Variants in GALNS observed in about 807,000 individuals in gnomAD.
GALNS encodes the protein N-acetylgalactosamine-6-sulfatase.
GALNS carries 65 observed loss-of-function variants against 65.9 expected under a neutral mutation model. The observed-to-expected ratio is 0.99, with a 90% CI of 0.81 to 1.21. GALNS has a LOEUF of 1.21. Among genes scored for constraint, GALNS ranks in the 50% most tolerant of loss-of-function variants. The pLI, the probability that GALNS is intolerant of heterozygous loss-of-function variation, is 0.00. For synonymous variants in GALNS, 346 were observed against 288.9 expected (o/e 1.20, Z -2.00); for missense variants, 776 against 700.7 (o/e 1.11, Z -1.21).
chr16:88,849,570 A>G (rs978391275), intron 1 of GALNS, among the ~76,000 whole-genome samples: 2 of 152,012 alleles, frequency 1.3e-5, no homozygotes, highest in Non-Finnish European at 2.9e-5. Flanking sequence ...ACAGGTGTGA[A>G]CCACCGTGTC....
chr16:88,842,038 A>G, intron 2 of GALNS, 67 bp from the exon 3 acceptor site: 1 of 1,411,336 alleles, frequency 7.1e-7, no homozygotes, highest in Non-Finnish European at 9.9e-7. Flanking sequence ...GGCGTCAACA[A>G]GAGCCCCAAC....
intron 1 of GALNS, among the ~76,000 whole-genome samples, chr16:88,847,156 C>T (rs543531862): frequency 5.1e-4 from 78 of 152,144 alleles, no homozygotes; most frequent in African/African-American, 1.6e-3. Flanking sequence ...CTCTGAAATA[C>T]TTTTCTCTCT....
At chr16:88,825,001 G>A in intron 10 of GALNS, 132 bp from the exon 11 acceptor site, 3 of 752,366 alleles carry the variant, frequency 4.0e-6, no homozygotes, top group South Asian at 1.5e-5. Flanking sequence ...TTACAAAGAT[G>A]ATTGAAAAGT....
chr16:88,850,513 G>C (rs1159042110), intron 1 of GALNS, among the ~76,000 whole-genome samples: 4 of 152,186 alleles, frequency 2.6e-5, no homozygotes, highest in Non-Finnish European at 4.4e-5. Context: ...AGGAGTCCCA[G>C]GGCTTGAGGG....
intron 10 of GALNS, 141 bp downstream of exon 10, chr16:88,826,561 C>A (rs1910943316): frequency 9.8e-7 from 1 of 1,022,070 alleles, no homozygotes; most frequent in Non-Finnish European, 1.4e-6. Flanking sequence ...TCAGGCACCC[C>A]TGCCTCCTCC....
intron 4 of GALNS, among the ~76,000 whole-genome samples, chr16:88,838,389 G>A (rs1322869796): frequency 1.3e-5 from 2 of 152,236 alleles, no homozygotes; most frequent in South Asian, 4.1e-4. Context: ...ACAAGAGAAC[G>A]TGACAGTGTG....
intron 1 of GALNS, among the ~76,000 whole-genome samples, chr16:88,853,945 T>A (rs58622608): frequency 0.02 from 2,992 of 152,298 alleles, 101 homozygotes; most frequent in African/African-American, 0.068. Context: ...CGGGTCAGTG[T>A]GACCAGTTGG....
chr16:88,855,521 C>G (rs1471406252), intron 1 of GALNS: 26 of 702,520 alleles, frequency 3.7e-5, no homozygotes, highest in Non-Finnish European at 1.6e-5. Context: ...GGAAAGCAGT[C>G]ACTGCACACA....
In GALNS at chr16:88,815,867, T is replaced by A. The variant is rs1393398528; in HGVS notation, c.1483-1342A>T. ...GGTGTGTTTGAGTCTGGATGGGGGATCTGCATTTCTCAAAGGCCGCTCAGC... is the reference window on the plus strand; with the variant it reads ...GGTGTGTTTGAGTCTGGATGGGGGAACTGCATTTCTCAAAGGCCGCTCAGC... On this transcript the variant is annotated intron_variant, in intron 13 of 13. Coordinates refer to ENST00000268695, the MANE Select transcript of GALNS (RefSeq NM_000512.5). 3 of 985,288 alleles carry A rather than the reference T, an allele frequency of 3.0e-6. No individual in the cohort carries two copies. In the African/African-American group the frequency reaches 5.2e-5, roughly 17 times the overall value. The allele number at this position is 985,288 out of a possible 1,614,324, so 61.0% of individuals were successfully genotyped here.
At chr16:88,855,270 G>A in intron 1 of GALNS, 1 of 700,120 alleles carries the variant, frequency 1.4e-6, no homozygotes, top group Non-Finnish European at 2.6e-6. Flanking sequence ...AAACTTAACA[G>A]GGAGGCTTCA....
Position 88,852,971 on chromosome 16 carries a change from C to G in GALNS, c.120+3787G>C, listed in dbSNP as rs974733433. 4.0e-5 allele frequency among the ~76,000 whole-genome samples: 6 copies of G among 151,664 alleles called. No individual in the cohort carries two copies. The South Asian group carries it at 6.3e-4, about 16-fold the overall frequency. ...CCTTGTCTCAAAAAAAAAGTCCTGG[C>G]TGGGTGTGGTGGCTCATGCCTGTAA... On this transcript the variant is annotated intron_variant, in intron 1 of 13. Coordinates refer to ENST00000268695, the MANE Select transcript of GALNS (RefSeq NM_000512.5).
intron 13 of GALNS, chr16:88,815,307 C>T (rs552455609): frequency 9.8e-5 from 97 of 985,484 alleles, no homozygotes; most frequent in Admixed American, 7.4e-4. Context: ...AAAGGGCAGG[C>T]GGTCCTCCCA....
intron 11 of GALNS, among the ~76,000 whole-genome samples, chr16:88,823,721 C>T (rs1290556048): frequency 2.9e-5 from 4 of 135,654 alleles, no homozygotes; most frequent in Admixed American, 2.2e-4. Flanking sequence ...CCCAGGACGG[C>T]CCTCGCAGGC....
At position 88,826,746 on chromosome 16, in the gene GALNS, G is replaced by A; in HGVS notation, c.1095C>T (p.Gly365=). The change falls in exon 10 of 14, where the codon GGC becomes GGT. Residue 365 remains glycine (G), a synonymous_variant. Transcript: ENST00000268695. Reference sequence around the variant, plus strand: ...GCAGGAGGGTGGGGAGGAGGTTGAGGCCATCAATGGCCCTGTCGCTGGGCG... The same window carrying A: ...GCAGGAGGGTGGGGAGGAGGTTGAGACCATCAATGGCCCTGTCGCTGGGCG... ...LTPPSDRAID[G]LNLLPTLLQG... The A allele has an allele frequency of 6.2e-7, 1 of 1,612,034 alleles. No individual in the cohort carries two copies. The highest frequency in any genetic ancestry group is 8.5e-7 in the Non-Finnish European group (1 of 1,179,582).
At chr16:88,816,021 C>T in intron 13 of GALNS, 1 of 985,404 alleles carries the variant, frequency 1.0e-6, no homozygotes, top group Non-Finnish European at 1.2e-6. Flanking sequence ...AAGGAGGGCC[C>T]CCAGGCTTCA....
chr16:88,832,219 C>T lies in GALNS; in HGVS notation c.899-118G>A, dbSNP rs1026923264. The T allele has an allele frequency of 4.4e-6, 4 of 919,278 alleles. No homozygotes were observed. In the African/African-American group the frequency reaches 6.6e-5, roughly 15 times the overall value. The allele number at this position is 919,278 out of a possible 1,614,324, so 56.9% of individuals were successfully genotyped here. ...GGACAAAGGGCCCGGCCAAGGCACT[C>T]TGGCTGGAGTGCATGATCCGAGCCT... On this transcript the variant is annotated intron_variant, in intron 8 of 13. Transcript: ENST00000268695.
intron 11 of GALNS, among the ~76,000 whole-genome samples, chr16:88,824,493 C>T (rs916364867): frequency 1.5e-4 from 23 of 152,164 alleles, no homozygotes; most frequent in African/African-American, 2.9e-4. Context: ...CCCATGGGGG[C>T]CACCTGACCA....
intron 6 of GALNS, 48 bp downstream of exon 6, chr16:88,836,153 C>T (rs1408544755): frequency 1.9e-6 from 3 of 1,558,432 alleles, no homozygotes; most frequent in Non-Finnish European, 2.6e-6. Context: ...TGGTGCGGTC[C>T]CCGTCCCCAT....
chr16:88,842,758 T>G lies in GALNS; in HGVS notation c.192A>C (p.Ala64=), dbSNP rs1229050672. ...RETPNLDRMA[A]EGLLFPNFYS... ...AGAAGTTTGGGAAAAGCAGCCCTTC[T>G]GCAGCCATCCGGTCCAAATTCGGGG... The change falls in exon 2 of 14, where the codon GCA becomes GCC. Residue 64 remains alanine (A), a synonymous_variant. Coordinates refer to ENST00000268695, the MANE Select transcript of GALNS (RefSeq NM_000512.5). 2 of 1,613,118 alleles carry G rather than the reference T, an allele frequency of 1.2e-6. No individual in the cohort carries two copies. The highest frequency in any genetic ancestry group is 1.7e-6 in the Non-Finnish European group (2 of 1,179,802).
Sources: allele counts gnomAD v4.1 joint callset (sites outside exome capture counted in the v4.1 genomes callset), GRCh38; gene constraint gnomAD v4.1.1; transcripts MANE v1.5; gene names NCBI Gene and HGNC (gene_info 2026-07-23, HGNC 2026-07-21).